SPRED1: variants seen among roughly 807,000 people sequenced by gnomAD.
The protein encoded by SPRED1 is sprouty-related, EVH1 domain-containing protein 1.
In SPRED1, 18 loss-of-function variants were observed where a neutral mutation model predicts 52.3. That is an observed-to-expected ratio of 0.34 (90% CI 0.24 to 0.51). The LOEUF (loss-of-function observed/expected upper bound fraction) is 0.51. Among genes scored for constraint, SPRED1 ranks in the 20% least tolerant of loss-of-function variants. SPRED1 has a pLI of 0.97. For missense variants in SPRED1, 485 were observed against 551.0 expected (o/e 0.88, Z 1.20); for synonymous variants, 155 against 179.7 (o/e 0.86, Z 1.10).
intron 6 of SPRED1, 26 bp from the exon 7 acceptor site, chr15:38,350,988 G>A: frequency 6.2e-7 from 1 of 1,604,198 alleles, no homozygotes; most frequent in Non-Finnish European, 8.5e-7. Flanking sequence ...AGCCCTCATT[G>A]CAGTTTTTAT....
intron 4 of SPRED1, among the ~76,000 whole-genome samples, chr15:38,330,293 A>G (rs989397262): frequency 2.0e-5 from 3 of 152,136 alleles, no homozygotes; most frequent in African/African-American, 7.2e-5. Context: ...ATATTATTTC[A>G]TCACAGATCA....
intron 2 of SPRED1, among the ~76,000 whole-genome samples, chr15:38,316,744 A>G: frequency 4.5e-5 from 1 of 22,062 alleles, no homozygotes; most frequent in Non-Finnish European, 8.8e-5. Context: ...ATTTTCCATT[A>G]TATGTTTTTT....
At chr15:38,302,540 C>T (rs73398410) in intron 2 of SPRED1, among the ~76,000 whole-genome samples, 7,567 of 152,092 alleles carry the variant, frequency 0.05, 325 homozygotes, top group African/African-American at 0.11. Context: ...ATGTTGCTTA[C>T]CTATAAAGCA....
chr15:38,345,839 G>A (rs1271070310), intron 5 of SPRED1, among the ~76,000 whole-genome samples: 1 of 152,092 alleles, frequency 6.6e-6, no homozygotes, highest in Non-Finnish European at 1.5e-5. Flanking sequence ...GGGAAACACT[G>A]TGTCTTTCAA....
chr15:38,275,795 C>T (rs1022711846), intron 1 of SPRED1, among the ~76,000 whole-genome samples: 4 of 152,168 alleles, frequency 2.6e-5, no homozygotes, highest in Admixed American at 6.5e-5. Context: ...TGCACCCCGC[C>T]GCTGGTGGTG....
At chr15:38,278,639 T>TA (rs1380462412) in intron 1 of SPRED1, among the ~76,000 whole-genome samples, 1 of 152,060 alleles carries the variant, frequency 6.6e-6, no homozygotes, top group Admixed American at 6.5e-5. Context: ...TATAAAATGA[T>TA]ATAGTATTTG....
chr15:38,285,751 A>G (rs550414845), intron 1 of SPRED1, among the ~76,000 whole-genome samples: 63 of 152,284 alleles, frequency 4.1e-4, no homozygotes, highest in African/African-American at 1.5e-3. Context: ...GATCACTCAA[A>G]TGTTCCTGGC....
intron 2 of SPRED1, among the ~76,000 whole-genome samples, chr15:38,312,199 T>G (rs773654770): frequency 1.4e-4 from 22 of 152,304 alleles, no homozygotes; most frequent in African/African-American, 5.1e-4. Context: ...AGGGTATTGC[T>G]GTATCAATTG....
At chr15:38,340,892 T>C (rs1395833670) in intron 5 of SPRED1, among the ~76,000 whole-genome samples, 1 of 152,144 alleles carries the variant, frequency 6.6e-6, no homozygotes, top group African/African-American at 2.4e-5. Context: ...TAAAATAAGT[T>C]GGACAGTATT....
In SPRED1 at chr15:38,356,632, G is replaced by A. The variant is rs1888627708; in HGVS notation, c.*4968G>A. 1 of 151,848 alleles carries A rather than the reference G, an allele frequency of 6.6e-6. No homozygotes were observed. The highest frequency in any genetic ancestry group is 6.6e-5 in the Admixed American group (1 of 15,250). 9.4% of individuals were successfully genotyped at this position (151,848 alleles called of 1,614,324 possible). On this transcript the variant is annotated 3_prime_UTR_variant, in exon 7 of 7. Transcript: ENST00000299084. The stretch of plus-strand genomic sequence containing the variant: ...ATAACATATTTATTCATCCTTAATT[G>A]TATTCAGATTTTTTTTTAAGTCTCT...
At chr15:38,323,111 A>G (rs931387115) in intron 3 of SPRED1, among the ~76,000 whole-genome samples, 4 of 152,076 alleles carry the variant, frequency 2.6e-5, no homozygotes, top group African/African-American at 7.2e-5. Flanking sequence ...AACTTTCTAT[A>G]TAAAGTAACT....
At chr15:38,279,031 T>G (rs1264670799) in intron 1 of SPRED1, among the ~76,000 whole-genome samples, 1 of 152,110 alleles carries the variant, frequency 6.6e-6, no homozygotes, top group African/African-American at 2.4e-5. Flanking sequence ...TTTCACCATG[T>G]TGGTCAGGCT....
chr15:38,271,040 ATAT>A (rs1421680148), intron 1 of SPRED1, among the ~76,000 whole-genome samples: 1 of 152,166 alleles, frequency 6.6e-6, no homozygotes, highest in African/African-American at 2.4e-5. Flanking sequence ...TTAAAGATAA[ATAT>A]TATATAAAAA....
rs1888494563 is a variant in SPRED1, at chr15:38,351,746, A to T, written c.*82A>T. On this transcript the variant is annotated 3_prime_UTR_variant, in exon 7 of 7. Coordinates refer to ENST00000299084, the MANE Select transcript of SPRED1 (RefSeq NM_152594.3). ...GGATTTGTGGAAGCTTTTGGCAAGC[A>T]ATATGGAATCTTGCCTGGTATCATT... The T allele has an allele frequency of 2.0e-6, 3 of 1,514,318 alleles. No individual in the cohort carries two copies. The highest frequency in any genetic ancestry group is 2.7e-6 in the Non-Finnish European group (3 of 1,113,716). The allele number at this position is 1,514,318 out of a possible 1,614,324, so 93.8% of individuals were successfully genotyped here.
At chr15:38,287,106 T>G (rs929619396) in intron 1 of SPRED1, among the ~76,000 whole-genome samples, 1 of 152,208 alleles carries the variant, frequency 6.6e-6, no homozygotes, top group African/African-American at 2.4e-5. Context: ...TCCTTAATTC[T>G]TTATTTAAAA....
intron 1 of SPRED1, among the ~76,000 whole-genome samples, chr15:38,292,854 A>G (rs923105556): frequency 6.6e-6 from 1 of 152,210 alleles, no homozygotes; most frequent in African/African-American, 2.4e-5. Flanking sequence ...CAAGATCATC[A>G]TAAATAATGA....
chr15:38,274,673 C>T (rs1320368366), intron 1 of SPRED1, among the ~76,000 whole-genome samples: 1 of 152,144 alleles, frequency 6.6e-6, no homozygotes, highest in East Asian at 1.9e-4. Context: ...CACTAATGTC[C>T]TTTTTCCAGT....
intron 1 of SPRED1, among the ~76,000 whole-genome samples, chr15:38,267,674 A>G (rs1443813723): frequency 1.3e-5 from 2 of 152,212 alleles, no homozygotes; most frequent in Non-Finnish European, 2.9e-5. Flanking sequence ...TATAATAACC[A>G]TGTAAGTGTT....
intron 5 of SPRED1, among the ~76,000 whole-genome samples, chr15:38,342,071 G>T (rs1595758358): frequency 1.6e-5 from 2 of 124,790 alleles, no homozygotes. Context: ...TCTTTTAATT[G>T]GAGTATTTTG....
Sources: allele counts gnomAD v4.1 joint callset (sites outside exome capture counted in the v4.1 genomes callset), GRCh38; gene constraint gnomAD v4.1.1; transcripts MANE v1.5; gene names NCBI Gene and HGNC (gene_info 2026-07-23, HGNC 2026-07-21).